The following CSNK2A2IP variants were observed in gnomAD, a reference collection of about 807,000 sequenced individuals.
The protein encoded by CSNK2A2IP is casein kinase 2 subunit alpha' interacting protein.
chr3:88,386,237 G>A, the CSNK2A2IP span, among the ~76,000 whole-genome samples: 10 of 151,894 alleles, frequency 6.6e-5, no homozygotes, highest in East Asian at 7.8e-4. Context: ...CGATTCTCCC[G>A]CCTCAGTCTC....
the CSNK2A2IP span, among the ~76,000 whole-genome samples, chr3:88,362,604 GC>G: frequency 6.6e-6 from 1 of 152,136 alleles, no homozygotes; most frequent in Non-Finnish European, 1.5e-5. Context: ...CTTGCCCAAG[GC>G]CCATGGCTGC....
the CSNK2A2IP span, among the ~76,000 whole-genome samples, chr3:88,384,330 C>T: frequency 6.6e-6 from 1 of 150,832 alleles, no homozygotes; most frequent in East Asian, 1.9e-4. Context: ...TTTCTTTCTC[C>T]CTCTCTCTCT....
chr3:88,353,391 G>C, the CSNK2A2IP span, among the ~76,000 whole-genome samples: 21 of 152,156 alleles, frequency 1.4e-4, no homozygotes, highest in Non-Finnish European at 2.8e-4. Context: ...AATTGGATTT[G>C]TCCACCTCCT....
chr3:88,367,408 T>C, the CSNK2A2IP span, among the ~76,000 whole-genome samples: 1 of 152,114 alleles, frequency 6.6e-6, no homozygotes, highest in Non-Finnish European at 1.5e-5. Context: ...GCAGTAAAGA[T>C]AATGCTTGAG....
the CSNK2A2IP span, among the ~76,000 whole-genome samples, chr3:88,452,334 A>G: frequency 2.0e-5 from 3 of 152,142 alleles, no homozygotes; most frequent in Non-Finnish European, 2.9e-5. Context: ...AAGCATGAAA[A>G]TCAATGGATT....
chr3:88,423,523 A>G, the CSNK2A2IP span, among the ~76,000 whole-genome samples: 1 of 152,156 alleles, frequency 6.6e-6, no homozygotes, highest in African/African-American at 2.4e-5. Context: ...AGTAGATGAA[A>G]GGGACTCCAG....
At chr3:88,407,351 G>C in the CSNK2A2IP span, among the ~76,000 whole-genome samples, 16 of 144,902 alleles carry the variant, frequency 1.1e-4, no homozygotes, top group African/African-American at 3.5e-4. Context: ...TGCATATCTT[G>C]TAACATTTAG....
At chr3:88,401,091 G>A in the CSNK2A2IP span, among the ~76,000 whole-genome samples, 1 of 152,122 alleles carries the variant, frequency 6.6e-6, no homozygotes, top group Non-Finnish European at 1.5e-5. Context: ...GTTATCATAT[G>A]TTATTGAGCA....
chr3:88,451,080 T>C, the CSNK2A2IP span, among the ~76,000 whole-genome samples: 1 of 152,110 alleles, frequency 6.6e-6, no homozygotes, highest in African/African-American at 2.4e-5. Flanking sequence ...AAGAAGGTTT[T>C]TGAAAAATAT....
chr3:88,435,990 T>C, the CSNK2A2IP span, among the ~76,000 whole-genome samples: 3 of 150,096 alleles, frequency 2.0e-5, no homozygotes, highest in Non-Finnish European at 4.4e-5. Flanking sequence ...AGGAAAAGGG[T>C]AAAGAGAAAG....
chr3:88,381,112 A>G, the CSNK2A2IP span, among the ~76,000 whole-genome samples: 1 of 152,208 alleles, frequency 6.6e-6, no homozygotes, highest in African/African-American at 2.4e-5. Flanking sequence ...AGTGGCTTGC[A>G]CTTATGCCAA....
At chr3:88,446,025 G>GT in the CSNK2A2IP span, among the ~76,000 whole-genome samples, 80 of 29,338 alleles carry the variant, frequency 2.7e-3, 3 homozygotes, top group Middle Eastern at 0.022. Flanking sequence ...TTCTTTCTTT[G>GT]TTTCTTTTCT....
the CSNK2A2IP span, among the ~76,000 whole-genome samples, chr3:88,371,194 A>T: frequency 1.3e-5 from 2 of 151,896 alleles, no homozygotes; most frequent in African/African-American, 4.8e-5. Context: ...ATGCAGGAAG[A>T]AACCCATCCA....
the CSNK2A2IP span, among the ~76,000 whole-genome samples, chr3:88,367,364 A>G: frequency 2.6e-5 from 4 of 152,094 alleles, no homozygotes; most frequent in Non-Finnish European, 4.4e-5. Context: ...AGAAGGTGTC[A>G]TAGGGTCAGA....
At chr3:88,452,911 A>G in the CSNK2A2IP span, among the ~76,000 whole-genome samples, 5 of 152,186 alleles carry the variant, frequency 3.3e-5, no homozygotes, top group Non-Finnish European at 7.4e-5. Context: ...GTAGGAATAC[A>G]TATCAATTAG....
the CSNK2A2IP span, among the ~76,000 whole-genome samples, chr3:88,391,312 T>G: frequency 6.6e-6 from 1 of 152,222 alleles, no homozygotes; most frequent in Non-Finnish European, 1.5e-5. Context: ...TTATACTGTT[T>G]ACTCATTTAT....
At chr3:88,372,779 T>TA in the CSNK2A2IP span, among the ~76,000 whole-genome samples, 2 of 151,274 alleles carry the variant, frequency 1.3e-5, no homozygotes, top group South Asian at 4.1e-4. Context: ...ATGTTGAAAG[T>TA]AAAAAAATAG....
the CSNK2A2IP span, among the ~76,000 whole-genome samples, chr3:88,447,099 G>A: frequency 6.6e-6 from 1 of 152,038 alleles, no homozygotes; most frequent in Admixed American, 6.6e-5. Context: ...TAGTATATGT[G>A]ACTAAAGCTA....
At chr3:88,431,970 ATGT>A in the CSNK2A2IP span, among the ~76,000 whole-genome samples, 1 of 152,104 alleles carries the variant, frequency 6.6e-6, no homozygotes, top group Non-Finnish European at 1.5e-5. Context: ...CCATGATATA[ATGT>A]TGTTTTTTCC....
Sources: gnomAD v4.1 joint callset for allele counts (sites outside exome capture counted in the v4.1 genomes callset) on GRCh38, gnomAD v4.1.1 for gene constraint, MANE v1.5 for transcripts, NCBI Gene and HGNC (gene_info 2026-07-23, HGNC 2026-07-21) for gene names.